The following KAZN variants were observed in gnomAD, a reference collection of about 807,000 sequenced individuals.
KAZN encodes kazrin.
In KAZN, 40 loss-of-function variants were observed where a neutral mutation model predicts 87.4. The ratio of observed to expected loss-of-function variants is 0.46; its 90% CI spans 0.36 to 0.60. The LOEUF (loss-of-function observed/expected upper bound fraction) is 0.60, where lower values mean the gene tolerates loss of function less well. Ranked by LOEUF, KAZN falls within the 20% of genes least tolerant of loss-of-function variation. The probability of loss-of-function intolerance (pLI) is 0.00; values close to 1 mark genes in which losing one functional copy is unlikely to be tolerated. For synonymous variants in KAZN, 466 were observed against 458.3 expected (o/e 1.02, Z -0.22); for missense variants, 898 against 1,073.9 (o/e 0.84, Z 2.29).
At chr1:14,927,633 T>C (rs1659311761) in intron 1 of KAZN, among the ~76,000 whole-genome samples, 1 of 152,112 alleles carries the variant, frequency 6.6e-6, no homozygotes, top group Admixed American at 6.5e-5. Context: ...GGTGGGAAAT[T>C]AGTATCTTTG....
At chr1:14,602,632 A>G (rs1394589200) in intron 1 of KAZN, among the ~76,000 whole-genome samples, 1 of 152,216 alleles carries the variant, frequency 6.6e-6, no homozygotes, top group Non-Finnish European at 1.5e-5. Flanking sequence ...CTTTGAGGGG[A>G]AAATGTAGCA....
At chr1:14,415,285 G>A (rs116346073) in intron 2 of KAZN, among the ~76,000 whole-genome samples, 559 of 152,004 alleles carry the variant, frequency 3.7e-3, no homozygotes, top group African/African-American at 0.013. Flanking sequence ...GTATTAATCC[G>A]GACAATATGT....
At chr1:14,818,826 A>G (rs1380644627) in intron 1 of KAZN, among the ~76,000 whole-genome samples, 1 of 152,134 alleles carries the variant, frequency 6.6e-6, no homozygotes, top group African/African-American at 2.4e-5. Context: ...AGGCCGAGGC[A>G]GGTGGATCAC....
intron 1 of KAZN, among the ~76,000 whole-genome samples, chr1:13,975,371 C>A (rs1024421990): frequency 5.3e-5 from 8 of 152,170 alleles, no homozygotes; most frequent in Admixed American, 6.5e-5. Context: ...CTAAGAGTAT[C>A]TTTGAGTGAG....
chr1:14,637,970 C>T (rs2148669989), intron 1 of KAZN, among the ~76,000 whole-genome samples: 1 of 152,122 alleles, frequency 6.6e-6, no homozygotes, highest in African/African-American at 2.4e-5. Flanking sequence ...CACCTCTCTC[C>T]CCGTCTCTGG....
At chr1:14,729,705 T>G (rs1454619425) in intron 1 of KAZN, among the ~76,000 whole-genome samples, 1 of 152,110 alleles carries the variant, frequency 6.6e-6, no homozygotes, top group African/African-American at 2.4e-5. Context: ...AAATGGAGAA[T>G]GAGAGAAAAA....
intron 1 of KAZN, among the ~76,000 whole-genome samples, chr1:13,935,380 T>C (rs576997264): frequency 6.6e-6 from 1 of 152,174 alleles, no homozygotes; most frequent in Non-Finnish European, 1.5e-5. Context: ...GCAAGAGACT[T>C]GTGTAAGGTG....
intron 1 of KAZN, among the ~76,000 whole-genome samples, chr1:14,886,406 G>A (rs576129108): frequency 1.4e-3 from 212 of 151,494 alleles, no homozygotes; most frequent in African/African-American, 2.1e-3. Context: ...CTGGATGAAC[G>A]CATGAGGCCT....
chr1:14,469,174 G>T (rs1211046304), intron 2 of KAZN, among the ~76,000 whole-genome samples: 2 of 152,158 alleles, frequency 1.3e-5, no homozygotes, highest in Non-Finnish European at 2.9e-5. Context: ...CATAAAAAAG[G>T]TGGGGTGCTA....
At chr1:13,968,401 G>A (rs906279265) in intron 1 of KAZN, among the ~76,000 whole-genome samples, 18 of 152,200 alleles carry the variant, frequency 1.2e-4, no homozygotes, top group Admixed American at 1.2e-3. Context: ...ATCCCCGACA[G>A]GCAAAATGGG....
intron 1 of KAZN, among the ~76,000 whole-genome samples, chr1:14,047,965 C>T (rs1402879219): frequency 6.6e-6 from 1 of 152,028 alleles, no homozygotes; most frequent in African/African-American, 2.4e-5. Context: ...TGAAGGGACA[C>T]AGAATTCAGG....
intron 2 of KAZN, among the ~76,000 whole-genome samples, chr1:14,228,600 GA>G (rs768182147): frequency 6.6e-6 from 1 of 152,172 alleles, no homozygotes; most frequent in Non-Finnish European, 1.5e-5. Context: ...AAATAGATGT[GA>G]AAATGGTAAA....
intron 2 of KAZN, among the ~76,000 whole-genome samples, chr1:14,345,660 G>A (rs1416630): frequency 0.056 from 8,460 of 152,168 alleles, 299 homozygotes; most frequent in South Asian, 0.086. Flanking sequence ...GTCTTGGAAC[G>A]TGCCAGCCTA....
At chr1:15,104,274 T>G in intron 13 of KAZN, 85 bp downstream of exon 13, 4 of 1,320,730 alleles carry the variant, frequency 3.0e-6, no homozygotes, top group Non-Finnish European at 4.1e-6. Flanking sequence ...CAGCTCCCCA[T>G]CCTGGCCCAT....
chr1:14,436,981 C>A (rs1666434161), intron 2 of KAZN, among the ~76,000 whole-genome samples: 1 of 152,128 alleles, frequency 6.6e-6, no homozygotes, highest in African/African-American at 2.4e-5. Flanking sequence ...GTCCTGTTTC[C>A]CTGCCTGACA....
intron 2 of KAZN, among the ~76,000 whole-genome samples, chr1:14,358,665 CTTAA>C (rs1166346641): frequency 6.6e-6 from 1 of 152,036 alleles, no homozygotes; most frequent in Admixed American, 6.6e-5. Flanking sequence ...TTATTTCTGC[CTTAA>C]TTTTGTTATT....
intron 2 of KAZN, among the ~76,000 whole-genome samples, chr1:14,278,159 A>G (rs1366859040): frequency 1.4e-5 from 2 of 146,262 alleles, no homozygotes; most frequent in African/African-American, 5.3e-5. Context: ...AACAAGAGTG[A>G]AACTCTGTCT....
rs368068847 is a variant in KAZN at position 14,681,708 on chromosome 1, G to A, written c.226+82485G>A. ...TTTTTTTTTTTTGAGACGGAGTCTC[G>A]CTCTGTCGCCCAGGCTGGAGTGCAG... On this transcript the variant is annotated intron_variant, in intron 1 of 14. Transcript: ENST00000376030. Among the ~76,000 whole-genome samples the A allele has an allele frequency of 2.9e-4, 29 of 101,188 alleles. No homozygotes were observed. The South Asian group carries it at 3.4e-3, about 12-fold the overall frequency. The allele number at this position is 101,188 out of a possible 152,430, so 66.4% of individuals were successfully genotyped here.
chr1:14,167,375 C>T (rs1363366191), intron 1 of KAZN, among the ~76,000 whole-genome samples: 4 of 152,150 alleles, frequency 2.6e-5, no homozygotes, highest in African/African-American at 9.7e-5. Flanking sequence ...CTCTATCTGG[C>T]GTGGGTTACC....
Sources: gnomAD v4.1 joint callset for allele counts (sites outside exome capture counted in the v4.1 genomes callset) on GRCh38, gnomAD v4.1.1 for gene constraint, MANE v1.5 for transcripts, NCBI Gene and HGNC (gene_info 2026-07-23, HGNC 2026-07-21) for gene names.